Variants in NPAS3 observed in about 807,000 individuals in gnomAD.
NPAS3 encodes the protein neuronal PAS domain-containing protein 3.
In NPAS3, 14 loss-of-function variants were observed where a neutral mutation model predicts 73.1. The observed-to-expected ratio is 0.19, with a 90% CI of 0.13 to 0.30. The LOEUF (loss-of-function observed/expected upper bound fraction) is 0.30. NPAS3 is among the 10% of genes least tolerant of loss of function. The pLI is 1.00. For missense variants in NPAS3, 1,096 were observed against 1,250.0 expected, an observed-to-expected ratio of 0.88 and a Z score of 1.86; for synonymous variants, 620 against 541.5, an observed-to-expected ratio of 1.14 and a Z score of -2.01.
At chr14:33,578,468 A>G in intron 5 of NPAS3, 3 of 339,590 alleles carry the variant, frequency 8.8e-6, no homozygotes, top group Non-Finnish European at 1.7e-5. Flanking sequence ...TGCTGGGATT[A>G]CAGGCATAAG....
At position 33,321,224 on chromosome 14, in the gene NPAS3, A is replaced by G. The variant is rs926316362; in HGVS notation, c.386-45962A>G. Among the ~76,000 whole-genome samples the G allele has an allele frequency of 5.3e-5, 8 of 152,304 alleles. No homozygotes were observed. The East Asian group carries it at 1.5e-3, about 29-fold the overall frequency. On this transcript the variant is annotated intron_variant, in intron 3 of 11. Coordinates refer to ENST00000356141, the Ensembl canonical transcript of NPAS3. ...CAATGATTAGAGCCCATTCTGCTTA[A>G]TTAGTTCAAAATAACTTCAAGGCAA... is the stretch of plus-strand genomic sequence containing the variant.
intron 3 of NPAS3, among the ~76,000 whole-genome samples, chr14:33,244,934 G>T (rs1390757350): frequency 1.3e-5 from 2 of 152,076 alleles, no homozygotes; most frequent in Non-Finnish European, 2.9e-5. Context: ...TTCTTTTCTT[G>T]TTTAGTCTGA....
At chr14:33,520,101 C>A (rs1038121878) in intron 4 of NPAS3, among the ~76,000 whole-genome samples, 2 of 152,114 alleles carry the variant, frequency 1.3e-5, no homozygotes, top group African/African-American at 4.8e-5. Context: ...GGTTCTAGAG[C>A]AGTTGCTTTA....
chr14:33,021,364 A>G (rs540970906), intron 1 of NPAS3, among the ~76,000 whole-genome samples: 2 of 152,358 alleles, frequency 1.3e-5, no homozygotes, highest in Middle Eastern at 3.4e-3. Flanking sequence ...GTTGGTACAT[A>G]GAAGTTGTTC....
intron 4 of NPAS3, among the ~76,000 whole-genome samples, chr14:33,549,082 G>A (rs1320237363): frequency 7.6e-6 from 1 of 131,038 alleles, no homozygotes. Context: ...ACAAATCTGT[G>A]TCTGAAAAAA....
At chr14:33,291,397 T>G (rs1295377116) in intron 3 of NPAS3, among the ~76,000 whole-genome samples, 1 of 152,168 alleles carries the variant, frequency 6.6e-6, no homozygotes, top group Non-Finnish European at 1.5e-5. Flanking sequence ...CTGATGGTAA[T>G]GCAGGCCAGG....
intron 6 of NPAS3, among the ~76,000 whole-genome samples, chr14:33,688,561 A>C (rs2140396428): frequency 6.6e-6 from 1 of 152,260 alleles, no homozygotes; most frequent in Admixed American, 6.5e-5. Context: ...TTCAGAGGCT[A>C]AATTTTCCAG....
chr14:33,483,639 C>T (rs2051437937), intron 4 of NPAS3, among the ~76,000 whole-genome samples: 1 of 152,132 alleles, frequency 6.6e-6, no homozygotes. Flanking sequence ...ACTGTCATGT[C>T]ATAGGGGCTT....
intron 3 of NPAS3, among the ~76,000 whole-genome samples, chr14:33,315,908 A>G (rs1428512215): frequency 6.6e-6 from 1 of 152,036 alleles, no homozygotes; most frequent in Non-Finnish European, 1.5e-5. Flanking sequence ...ATGACACAAG[A>G]GCAGTTTTTG....
intron 2 of NPAS3, among the ~76,000 whole-genome samples, chr14:33,205,169 T>C (rs748809747): frequency 5.9e-5 from 9 of 152,214 alleles, no homozygotes; most frequent in Non-Finnish European, 1.3e-4. Context: ...ATATTATCTC[T>C]ATATCTTTAT....
intron 5 of NPAS3, among the ~76,000 whole-genome samples, chr14:33,656,284 G>T (rs1421883269): frequency 6.6e-6 from 1 of 151,242 alleles, no homozygotes; most frequent in African/African-American, 2.4e-5. Flanking sequence ...GAGTCCACGT[G>T]GGTAATGATT....
chr14:33,671,460 T>C (rs2059608151), intron 5 of NPAS3, among the ~76,000 whole-genome samples: 3 of 152,120 alleles, frequency 2.0e-5, no homozygotes, highest in Non-Finnish European at 4.4e-5. Context: ...GAATGTGAAA[T>C]AAATTTGAGA....
chr14:33,486,092 A>G (rs2051579873), intron 4 of NPAS3, among the ~76,000 whole-genome samples: 1 of 152,078 alleles, frequency 6.6e-6, no homozygotes, highest in Non-Finnish European at 1.5e-5. Context: ...TGGTTGTCCA[A>G]GTCCTGCACT....
In NPAS3 at chr14:33,800,434, G is replaced by A. The variant is rs2063666491; in HGVS notation, c.2127G>A (p.Val709=). Residue 709 remains valine (V), a synonymous_variant, in exon 12 of 12, where the codon GTG becomes GTA. Transcript: ENST00000356141. The surrounding 1 kb of genome is among the most constrained non-coding windows in gnomAD (Gnocchi z 6.5). The stretch of plus-strand genomic sequence containing the variant: ...GTGGCGGTGGCGGGGGGCTGCACGT[G>A]GCCATTCCCGACTCGGTCCTCACCC... 5.1e-6 allele frequency: 8 copies of A among 1,581,978 alleles called. No individual in the cohort carries two copies. Among genetic ancestry groups the A allele is most frequent in the Non-Finnish European group, 6.8e-6 (8 of 1,168,508 alleles).
At chr14:33,185,067 T>A (rs1230039628) in intron 2 of NPAS3, among the ~76,000 whole-genome samples, 1 of 152,186 alleles carries the variant, frequency 6.6e-6, no homozygotes, top group East Asian at 1.9e-4. Flanking sequence ...GGTGATCCAA[T>A]CCTCTCCACT....
In NPAS3 at chr14:33,520,840, G is replaced by A. The variant is rs186365880; in HGVS notation, c.469-39281G>A. The stretch of plus-strand genomic sequence containing the variant: ...GGCAAGGCGAGGACCGCTGTGCAGA[G>A]AGGTGCTGGTACTGTACGCATTAAT... On this transcript the variant is annotated intron_variant, in intron 4 of 11. Transcript: ENST00000356141. Among the ~76,000 whole-genome samples the A allele has an allele frequency of 4.7e-3, 721 of 152,262 alleles. 6 individuals are homozygous for A. Among genetic ancestry groups the A allele is most frequent in the Admixed American group, 7.4e-3 (113 of 15,280 alleles).
intron 11 of NPAS3, among the ~76,000 whole-genome samples, chr14:33,799,008 G>C (rs1231430926): frequency 1.3e-5 from 2 of 150,324 alleles, no homozygotes; most frequent in Admixed American, 6.6e-5. Flanking sequence ...AGCCACGTGT[G>C]GTGGTGGGCA....
In NPAS3 at chr14:33,435,698, G is replaced by T. The variant is rs2048958861; in HGVS notation, c.468+68430G>T. 2.6e-5 allele frequency among the ~76,000 whole-genome samples: 4 copies of T among 152,260 alleles called. No individual in the cohort carries two copies. In the South Asian group the frequency reaches 8.3e-4, roughly 32 times the overall value. On this transcript the variant is annotated intron_variant, in intron 4 of 11. Transcript: ENST00000356141. Reference sequence around the variant, plus strand: ...ACATAAATTAGATTTCTTTACCCAAGGGTGGAGACAGACAAATGTATATAA... The same window carrying T: ...ACATAAATTAGATTTCTTTACCCAATGGTGGAGACAGACAAATGTATATAA...
intron 5 of NPAS3, among the ~76,000 whole-genome samples, chr14:33,602,424 T>C (rs2057427404): frequency 6.6e-6 from 1 of 152,226 alleles, no homozygotes; most frequent in Non-Finnish European, 1.5e-5. Flanking sequence ...TGAGTGCTTC[T>C]GTGCACTGCA....
Sources: gnomAD v4.1 joint callset for allele counts (sites outside exome capture counted in the v4.1 genomes callset) on GRCh38, gnomAD v4.1.1 for gene constraint, Gnocchi (gnomAD v3.1) non-coding constraint, MANE v1.5 for transcripts, NCBI Gene and HGNC (gene_info 2026-07-23, HGNC 2026-07-21) for gene names.